CHP1: variants seen among roughly 807,000 people sequenced by gnomAD.
CHP1 encodes calcineurin like EF-hand protein 1.
In CHP1, 11 loss-of-function variants were observed where a neutral mutation model predicts 27.4. The ratio of observed to expected loss-of-function variants is 0.40; its 90% CI spans 0.25 to 0.67. CHP1 has a LOEUF of 0.67. CHP1 is among the 30% of genes least tolerant of loss of function. CHP1 has a pLI of 0.38. For synonymous variants in CHP1, 89 were observed against 87.4 expected, an observed-to-expected ratio of 1.02 and a Z score of -0.10; for missense variants, 169 against 251.3, an observed-to-expected ratio of 0.67 and a Z score of 2.22.
At chr15:41,274,332 T>C (rs908229769) in intron 5 of CHP1, among the ~76,000 whole-genome samples, 6 of 152,176 alleles carry the variant, frequency 3.9e-5, no homozygotes, top group Non-Finnish European at 7.4e-5. Flanking sequence ...AATGGAGGCC[T>C]GGGCAGATAG....
At chr15:41,243,948 C>T (rs956169800) in intron 2 of CHP1, among the ~76,000 whole-genome samples, 3 of 152,210 alleles carry the variant, frequency 2.0e-5, no homozygotes, top group African/African-American at 7.2e-5. Flanking sequence ...CGCCTTAATC[C>T]CAGCACTTTG....
At chr15:41,266,672 G>A (rs2047462528) in intron 4 of CHP1, among the ~76,000 whole-genome samples, 1 of 152,084 alleles carries the variant, frequency 6.6e-6, no homozygotes, top group Admixed American at 6.6e-5. Context: ...AAAATGTTGT[G>A]TACACATACA....
chr15:41,233,845 TC>T (rs2047264266), intron 1 of CHP1, among the ~76,000 whole-genome samples: 1 of 152,156 alleles, frequency 6.6e-6, no homozygotes, highest in Non-Finnish European at 1.5e-5. Context: ...TTGGGTGACT[TC>T]CAGGAGAGAT....
intron 1 of CHP1, among the ~76,000 whole-genome samples, chr15:41,241,795 TC>T (rs2047308351): frequency 1.3e-5 from 2 of 152,310 alleles, no homozygotes; most frequent in South Asian, 4.1e-4. Context: ...GTTCACTTTG[TC>T]CCATTGTTCC....
At chr15:41,252,407 T>C (rs1367326680) in intron 2 of CHP1, among the ~76,000 whole-genome samples, 1 of 151,850 alleles carries the variant, frequency 6.6e-6, no homozygotes, top group African/African-American at 2.4e-5. Flanking sequence ...GACCTCATGA[T>C]CCACCCACCT....
intron 1 of CHP1, among the ~76,000 whole-genome samples, chr15:41,238,453 G>T (rs533876832): frequency 8.5e-5 from 13 of 152,084 alleles, no homozygotes; most frequent in African/African-American, 2.7e-4. Context: ...ATGAGCCACT[G>T]CCCTCAGCCA....
At chr15:41,261,809 A>G (rs934823769) in intron 3 of CHP1, among the ~76,000 whole-genome samples, 10 of 151,922 alleles carry the variant, frequency 6.6e-5, no homozygotes, top group African/African-American at 2.4e-4. Flanking sequence ...CCTGACCAAC[A>G]TGGAGAAACC....
chr15:41,239,862 C>T (rs557968653), intron 1 of CHP1, among the ~76,000 whole-genome samples: 109 of 152,138 alleles, frequency 7.2e-4, no homozygotes, highest in African/African-American at 2.5e-3. Context: ...CTGCAAGCTC[C>T]GCCTCCCAGG....
chr15:41,262,444 A>G (rs577627489), intron 3 of CHP1, among the ~76,000 whole-genome samples: 4 of 152,268 alleles, frequency 2.6e-5, no homozygotes, highest in Non-Finnish European at 5.9e-5. Flanking sequence ...TAGTGCTGGC[A>G]CTACTCTACA....
intron 1 of CHP1, among the ~76,000 whole-genome samples, chr15:41,238,165 GT>G (rs140372339): frequency 6.1e-5 from 9 of 148,456 alleles, no homozygotes; most frequent in African/African-American, 9.9e-5. Context: ...TTTGGCGTGT[GT>G]TTTTTTTTTG....
At chr15:41,263,352 T>C (rs572843522) in intron 4 of CHP1, among the ~76,000 whole-genome samples, 160 of 152,292 alleles carry the variant, frequency 1.1e-3, no homozygotes, top group Non-Finnish European at 2.0e-3. Flanking sequence ...ATCTTAGAAT[T>C]TGATAGACAC....
chr15:41,250,231 G>T (rs1479304969), intron 2 of CHP1, among the ~76,000 whole-genome samples: 1 of 152,066 alleles, frequency 6.6e-6, no homozygotes, highest in East Asian at 1.9e-4. Context: ...CAAGGGAGAA[G>T]TGTTTGCCAA....
intron 2 of CHP1, among the ~76,000 whole-genome samples, chr15:41,256,016 C>CA (rs2047398762): frequency 6.6e-6 from 1 of 150,986 alleles, no homozygotes; most frequent in African/African-American, 2.4e-5. Context: ...GACTCTGTCT[C>CA]AAAAAAAAGT....
intron 1 of CHP1, among the ~76,000 whole-genome samples, chr15:41,242,466 A>AT (rs1221307826): frequency 6.6e-6 from 1 of 152,120 alleles, no homozygotes; most frequent in Non-Finnish European, 1.5e-5. Context: ...CAAAACATGC[A>AT]TTTTTTAGCT....
intron 1 of CHP1, among the ~76,000 whole-genome samples, chr15:41,235,980 G>T (rs1196993268): frequency 1.3e-5 from 2 of 151,988 alleles, no homozygotes; most frequent in African/African-American, 4.8e-5. Context: ...TACTTTTTGA[G>T]TTCTAGTGCA....
chr15:41,261,725 A>C (rs1165494467), intron 3 of CHP1, among the ~76,000 whole-genome samples: 1 of 151,888 alleles, frequency 6.6e-6, no homozygotes, highest in Admixed American at 6.6e-5. Flanking sequence ...TGGGTGCAGC[A>C]GCTCACACCT....
intron 5 of CHP1, among the ~76,000 whole-genome samples, chr15:41,272,663 C>T (rs575952846): frequency 2.6e-5 from 4 of 152,198 alleles, no homozygotes; most frequent in Non-Finnish European, 4.4e-5. Context: ...TCAAGCAGTT[C>T]GCCCACTTCA....
chr15:41,268,236 A>C (rs1198186508), intron 4 of CHP1, among the ~76,000 whole-genome samples: 1 of 152,220 alleles, frequency 6.6e-6, no homozygotes, highest in Non-Finnish European at 1.5e-5. Context: ...AAGAGTGGTC[A>C]GTGAAAACCT....
At chr15:41,272,914 G>A (rs566205801) in intron 5 of CHP1, among the ~76,000 whole-genome samples, 4 of 152,014 alleles carry the variant, frequency 2.6e-5, no homozygotes, top group Admixed American at 1.3e-4. Context: ...AAAATTAGCC[G>A]GGCATGGTGG....
Sources: allele counts gnomAD v4.1 joint callset (sites outside exome capture counted in the v4.1 genomes callset), GRCh38; gene constraint gnomAD v4.1.1; transcripts MANE v1.5; gene names NCBI Gene and HGNC (gene_info 2026-07-23, HGNC 2026-07-21).